Variants in CIMAP2 observed in about 807,000 individuals in gnomAD.
CIMAP2 encodes ciliary microtubule-associated protein 2.
chr1:54,807,778 C>T, the CIMAP2 span: 7 of 1,511,804 alleles, frequency 4.6e-6, no homozygotes, highest in Admixed American at 6.7e-5. Flanking sequence ...CAGTGTCCTC[C>T]CAAGGCCAGA....
the CIMAP2 span, among the ~76,000 whole-genome samples, chr1:54,835,649 T>C: frequency 2.0e-5 from 3 of 152,134 alleles, no homozygotes; most frequent in African/African-American, 7.3e-5. Context: ...TTCTCAAAAA[T>C]TGATTGTGCA....
chr1:54,807,426 C>G, the CIMAP2 span: 1 of 1,377,600 alleles, frequency 7.3e-7, no homozygotes, highest in Non-Finnish European at 9.7e-7. Context: ...GGATTGCCTA[C>G]TCCCTTCCTC....
the CIMAP2 span, chr1:54,808,131 C>T: frequency 8.8e-7 from 1 of 1,133,272 alleles, no homozygotes; most frequent in Non-Finnish European, 1.2e-6. Flanking sequence ...TTAAGCACCT[C>T]CTAAGTGGCA....
At chr1:54,814,463 G>A in the CIMAP2 span, among the ~76,000 whole-genome samples, 106 of 152,312 alleles carry the variant, frequency 7.0e-4, no homozygotes, top group African/African-American at 2.1e-3. Flanking sequence ...GTCTGCCCCC[G>A]CTAGGCACTT....
chr1:54,830,441 C>G, the CIMAP2 span, among the ~76,000 whole-genome samples: 29,947 of 152,020 alleles, frequency 0.2, 3,053 homozygotes, highest in East Asian at 0.34. The surrounding 1 kb of genome is among the most constrained non-coding windows in gnomAD (Gnocchi z 4.1). Flanking sequence ...AGGCTGGTCT[C>G]GAACTCCTGA....
the CIMAP2 span, among the ~76,000 whole-genome samples, chr1:54,830,610 C>T: frequency 1.3e-5 from 2 of 152,192 alleles, no homozygotes; most frequent in African/African-American, 4.8e-5. This position sits in a 1 kb window ranked among gnomAD's most constrained non-coding sequence, Gnocchi z 4.1. Flanking sequence ...GAATAAATCT[C>T]CAATCTTCTG....
the CIMAP2 span, among the ~76,000 whole-genome samples, chr1:54,823,181 A>G: frequency 6.6e-6 from 1 of 152,152 alleles, no homozygotes; most frequent in Non-Finnish European, 1.5e-5. Context: ...GTCTACAACT[A>G]TTATTGTATT....
chr1:54,828,286 T>G, the CIMAP2 span, among the ~76,000 whole-genome samples: 2 of 151,888 alleles, frequency 1.3e-5, no homozygotes, highest in Non-Finnish European at 2.9e-5. Flanking sequence ...ACTGCAGCCA[T>G]AACAAATGGA....
the CIMAP2 span, among the ~76,000 whole-genome samples, chr1:54,835,668 G>A: frequency 6.6e-6 from 1 of 152,132 alleles, no homozygotes; most frequent in Admixed American, 6.5e-5. Flanking sequence ...CACCTACTGT[G>A]TGCCAGGCAC....
the CIMAP2 span, among the ~76,000 whole-genome samples, chr1:54,822,338 G>C: frequency 5.4e-3 from 800 of 148,670 alleles, 6 homozygotes; most frequent in Non-Finnish European, 8.0e-3. Context: ...TTGATTTTAT[G>C]TTTTCAAAAA....
chr1:54,833,057 C>A, the CIMAP2 span, among the ~76,000 whole-genome samples: 1 of 152,056 alleles, frequency 6.6e-6, no homozygotes, highest in Non-Finnish European at 1.5e-5. Context: ...ACTGAATGGA[C>A]AGAGGAGCTC....
At chr1:54,827,381 G>C in the CIMAP2 span, among the ~76,000 whole-genome samples, 1 of 152,190 alleles carries the variant, frequency 6.6e-6, no homozygotes, top group Non-Finnish European at 1.5e-5. Context: ...CTTAGCAAAA[G>C]ACTTTAAGGA....
chr1:54,812,016 G>A, the CIMAP2 span: 1 of 1,614,130 alleles, frequency 6.2e-7, no homozygotes, highest in South Asian at 1.1e-5. Context: ...GAGCTCTCCT[G>A]CAGGCCTCAT....
At chr1:54,837,496 A>G in the CIMAP2 span, among the ~76,000 whole-genome samples, 1 of 152,124 alleles carries the variant, frequency 6.6e-6, no homozygotes, top group South Asian at 2.1e-4. Flanking sequence ...AAGACTTGCC[A>G]TCCAACTCCT....
the CIMAP2 span, among the ~76,000 whole-genome samples, chr1:54,826,940 C>T: frequency 0.035 from 5,306 of 152,314 alleles, 133 homozygotes; most frequent in Non-Finnish European, 0.041. Flanking sequence ...CATCTTGAAG[C>T]CCCCCTCCTA....
the CIMAP2 span, among the ~76,000 whole-genome samples, chr1:54,830,304 C>T: frequency 6.6e-6 from 1 of 152,114 alleles, no homozygotes; most frequent in Admixed American, 6.5e-5. This position sits in a 1 kb window ranked among gnomAD's most constrained non-coding sequence, Gnocchi z 4.1. Flanking sequence ...CTCACCACAA[C>T]CTTCGCCTCC....
chr1:54,839,192 A>G, the CIMAP2 span, among the ~76,000 whole-genome samples: 1 of 152,054 alleles, frequency 6.6e-6, no homozygotes, highest in South Asian at 2.1e-4. Context: ...ACTTCAGGAC[A>G]TATCTGGGCA....
the CIMAP2 span, among the ~76,000 whole-genome samples, chr1:54,821,034 G>A: frequency 5.3e-5 from 8 of 152,094 alleles, no homozygotes; most frequent in Non-Finnish European, 2.9e-5. Flanking sequence ...CTCCCAAAGT[G>A]CTAAGATTAT....
the CIMAP2 span, chr1:54,806,072 G>A: frequency 6.1e-6 from 9 of 1,480,138 alleles, no homozygotes; most frequent in African/African-American, 1.5e-5. Flanking sequence ...CACAAGGCCC[G>A]GGTTGCCGTG....
Sources: gnomAD v4.1 joint callset for allele counts (sites outside exome capture counted in the v4.1 genomes callset) on GRCh38, gnomAD v4.1.1 for gene constraint, Gnocchi (gnomAD v3.1) non-coding constraint, MANE v1.5 for transcripts, NCBI Gene and HGNC (gene_info 2026-07-23, HGNC 2026-07-21) for gene names.